The following TLE1 variants were observed in gnomAD, a reference collection of about 807,000 sequenced individuals.
TLE1 encodes transducin-like enhancer protein 1.
A neutral mutation model predicts 89.8 loss-of-function variants in TLE1; 21 were observed. That is an observed-to-expected ratio of 0.23 (90% CI 0.17 to 0.34). The LOEUF is 0.34. TLE1 is among the 10% of genes least tolerant of loss of function. The pLI, the probability that TLE1 is intolerant of heterozygous loss-of-function variation, is 1.00. For missense variants in TLE1, 795 were observed against 1,031.2 expected, an observed-to-expected ratio of 0.77 and a Z score of 3.14; for synonymous variants, 447 against 407.6, an observed-to-expected ratio of 1.10 and a Z score of -1.16.
At chr9:81,661,809 T>C (rs965852076) in intron 4 of TLE1, among the ~76,000 whole-genome samples, 38 of 151,592 alleles carry the variant, frequency 2.5e-4, no homozygotes, top group African/African-American at 9.2e-4. Flanking sequence ...CAAACAAAAA[T>C]GTAAATTTTG....
chr9:81,646,369 G>A (rs1828863007), intron 6 of TLE1, among the ~76,000 whole-genome samples: 1 of 152,162 alleles, frequency 6.6e-6, no homozygotes, highest in Non-Finnish European at 1.5e-5. Flanking sequence ...AAAAGGGCTA[G>A]AGTGTTGGAA....
chr9:81,644,508 T>C (rs1409145182), intron 6 of TLE1, among the ~76,000 whole-genome samples: 2 of 152,136 alleles, frequency 1.3e-5, no homozygotes, highest in Non-Finnish European at 2.9e-5. Flanking sequence ...ATGTCCAGAA[T>C]AGGCAAATTC....
intron 4 of TLE1, among the ~76,000 whole-genome samples, chr9:81,659,151 G>A (rs941261762): frequency 2.6e-5 from 4 of 151,956 alleles, no homozygotes; most frequent in Admixed American, 1.3e-4. Flanking sequence ...CTCGTGATCC[G>A]CCCACCTCAG....
chr9:81,656,717 T>C (rs1002265013), intron 4 of TLE1, among the ~76,000 whole-genome samples: 1 of 152,284 alleles, frequency 6.6e-6, no homozygotes, highest in Non-Finnish European at 1.5e-5. Flanking sequence ...TCCCAGTCAA[T>C]ACAGATTAAC....
intron 4 of TLE1, among the ~76,000 whole-genome samples, chr9:81,661,759 C>T (rs1050166165): frequency 4.6e-5 from 7 of 151,884 alleles, no homozygotes; most frequent in Non-Finnish European, 8.8e-5. Context: ...CCTTAAATCC[C>T]CCCCCCAAAA....
At position 81,688,267 on chromosome 9, in the gene TLE1, TC is replaced by T. The variant is rs1554708909; in HGVS notation, c.-28del. 6.4e-7 allele frequency: 1 copy of T among 1,559,926 alleles called. No individual in the cohort carries two copies. The highest frequency in any genetic ancestry group is 8.6e-7 in the Non-Finnish European group (1 of 1,157,544). Reference sequence around the variant, plus strand: ...GCTCTGGCGGCGGCCGGGGCTCTGTTCCCCGGCAACTCAATTCTCCGGTCAA... The same window carrying T: ...GCTCTGGCGGCGGCCGGGGCTCTGTTCCCGGCAACTCAATTCTCCGGTCAA... On this transcript the variant is annotated 5_prime_UTR_variant, in exon 1 of 20. Coordinates refer to ENST00000376499, the MANE Select transcript of TLE1 (RefSeq NM_005077.5).
intron 15 of TLE1, among the ~76,000 whole-genome samples, chr9:81,592,219 G>A (rs868335215): frequency 1.1e-4 from 16 of 152,178 alleles, no homozygotes; most frequent in Admixed American, 2.6e-4. Context: ...TTAGCCGGGC[G>A]TGGTGGTGGG....
chr9:81,643,073 A>T (rs1828357799), intron 6 of TLE1, among the ~76,000 whole-genome samples: 1 of 152,184 alleles, frequency 6.6e-6, no homozygotes, highest in South Asian at 2.1e-4. Flanking sequence ...CTTGCGGGGT[A>T]GGGGAAAATG....
chr9:81,610,786 G>C (rs1284924519), intron 13 of TLE1, among the ~76,000 whole-genome samples: 2 of 116,504 alleles, frequency 1.7e-5, no homozygotes, highest in African/African-American at 6.7e-5. Context: ...AGTGTCTCCA[G>C]ATATTATCAA....
intron 6 of TLE1, among the ~76,000 whole-genome samples, chr9:81,646,815 A>C (rs1419450956): frequency 6.6e-6 from 1 of 152,188 alleles, no homozygotes; most frequent in South Asian, 2.1e-4. Flanking sequence ...GACATCACAA[A>C]ATACCCTAGA....
At chr9:81,642,602 G>A (rs1336366354) in intron 6 of TLE1, among the ~76,000 whole-genome samples, 7 of 152,070 alleles carry the variant, frequency 4.6e-5, no homozygotes, top group Admixed American at 1.3e-4. Context: ...GCTGAGGCAG[G>A]AGAACTGCTT....
At chr9:81,634,353 G>T in intron 6 of TLE1, 52 bp from the exon 7 acceptor site, 1 of 1,399,768 alleles carries the variant, frequency 7.1e-7, no homozygotes. Flanking sequence ...GGAGGTAGTG[G>T]TGACAGTGAT....
rs1162629140 is a variant in TLE1, at chr9:81,591,816, G to GT, written c.1582-765dup. On this transcript the variant is annotated intron_variant, in intron 15 of 19. Coordinates refer to ENST00000376499, the MANE Select transcript of TLE1 (RefSeq NM_005077.5). ...AATGAAGACATTTTGAAGTTATTTG[G>GT]TTTTTTTAAAAAATGCACTAATAAC... Among the ~76,000 whole-genome samples, 3 of 152,066 alleles carry GT rather than the reference G, an allele frequency of 2.0e-5. No individual in the cohort carries two copies. In the East Asian group the frequency reaches 5.8e-4, roughly 29 times the overall value.
intron 13 of TLE1, among the ~76,000 whole-genome samples, chr9:81,611,497 C>CT (rs1823702166): frequency 6.6e-6 from 1 of 152,242 alleles, no homozygotes; most frequent in African/African-American, 2.4e-5. Context: ...CCCTGAACCA[C>CT]TGAAGGAGCT....
rs555377742 is a variant in TLE1, at chr9:81,670,906, T to C, written c.234+14770A>G. On this transcript the variant is annotated intron_variant, in intron 4 of 19. Transcript: ENST00000376499. ...AGGATGGGCTGGGTGCCGTGGCTCA[T>C]GCTGTTAATCCCAGCACTTTGGGAG... is the stretch of plus-strand genomic sequence containing the variant. 3.0e-4 allele frequency among the ~76,000 whole-genome samples: 46 copies of C among 152,170 alleles called. No individual in the cohort carries two copies. The South Asian group carries it at 5.2e-3, about 17-fold the overall frequency.
intron 14 of TLE1, among the ~76,000 whole-genome samples, chr9:81,594,674 C>T (rs1219571135): frequency 2.0e-5 from 3 of 152,130 alleles, no homozygotes; most frequent in African/African-American, 4.8e-5. Flanking sequence ...TCCTCCTTCC[C>T]ATTACCCTCG....
intron 6 of TLE1, among the ~76,000 whole-genome samples, chr9:81,648,480 A>G (rs772889154): frequency 1.3e-5 from 2 of 152,320 alleles, no homozygotes; most frequent in South Asian, 2.1e-4. Flanking sequence ...GCATTTCACT[A>G]TATTACAATT....
chr9:81,633,602 G>A (rs1056554127), intron 7 of TLE1: 17 of 580,548 alleles, frequency 2.9e-5, no homozygotes, highest in Non-Finnish European at 4.9e-5. Context: ...TTTATTTCTT[G>A]ACAGAATAAA....
At chr9:81,607,337 T>C (rs1182027854) in intron 14 of TLE1, among the ~76,000 whole-genome samples, 1 of 150,270 alleles carries the variant, frequency 6.7e-6, no homozygotes, top group African/African-American at 2.5e-5. Context: ...ACCCTGTTAA[T>C]ACACACACAC....
Sources: allele counts gnomAD v4.1 joint callset (sites outside exome capture counted in the v4.1 genomes callset), GRCh38; gene constraint gnomAD v4.1.1; transcripts MANE v1.5; gene names NCBI Gene and HGNC (gene_info 2026-07-23, HGNC 2026-07-21).